HEATR4: variants seen among roughly 807,000 people sequenced by gnomAD.
HEATR4 encodes HEAT repeat-containing protein 4.
A neutral mutation model predicts 108.8 loss-of-function variants in HEATR4; 95 were observed. The observed-to-expected ratio is 0.87, with a 90% confidence interval of 0.74 to 1.04. The LOEUF (loss-of-function observed/expected upper bound fraction) is 1.04. Ranked by LOEUF, HEATR4 falls within the 50% of genes least tolerant of loss-of-function variation. The probability of loss-of-function intolerance (pLI) is 0.00; values close to 1 mark genes in which losing one functional copy is unlikely to be tolerated. For synonymous variants in HEATR4, 443 were observed against 459.4 expected, an observed-to-expected ratio of 0.96 and a Z score of 0.46; for missense variants, 1,152 against 1,253.8, an observed-to-expected ratio of 0.92 and a Z score of 1.23.
the HEATR4 span, among the ~76,000 whole-genome samples, chr14:73,625,219 C>A: frequency 0.015 from 2,244 of 151,922 alleles, 57 homozygotes; most frequent in African/African-American, 0.051. Flanking sequence ...ACCACCGCAC[C>A]CAGCTAATTT....
chr14:73,568,022 G>C, the HEATR4 span: 1 of 152,296 alleles, frequency 6.6e-6, no homozygotes, highest in African/African-American at 2.4e-5. Context: ...CTTGATGTCA[G>C]CGAGACCAAG....
chr14:73,575,432 G>T, the HEATR4 span: 2 of 1,382,654 alleles, frequency 1.4e-6, no homozygotes, highest in Non-Finnish European at 1.9e-6. Flanking sequence ...CCATGGCTCA[G>T]GTGGATGCTT....
At chr14:73,568,110 ACTTG>A in the HEATR4 span, 3 of 152,110 alleles carry the variant, frequency 2.0e-5, no homozygotes, top group Admixed American at 6.6e-5. Flanking sequence ...CACAGAACAT[ACTTG>A]AGGTGTTATA....
At chr14:73,581,147 T>TC in the HEATR4 span, 2 of 151,612 alleles carry the variant, frequency 1.3e-5, no homozygotes, top group East Asian at 1.9e-4. Flanking sequence ...TTTTTTTTTT[T>TC]CTTGTGGTGA....
chr14:73,589,628 TTTCA>T, the HEATR4 span, among the ~76,000 whole-genome samples: 1 of 152,162 alleles, frequency 6.6e-6, no homozygotes, highest in Non-Finnish European at 1.5e-5. Context: ...CTACCTTATA[TTTCA>T]TCAAAAAGCT....
At chr14:73,483,443 G>C (rs532933493) in intron 17 of HEATR4, among the ~76,000 whole-genome samples, 17 of 152,234 alleles carry the variant, frequency 1.1e-4, no homozygotes, top group South Asian at 1.0e-3. Flanking sequence ...CTATAAACTT[G>C]AACTCCTGGG....
the HEATR4 span, among the ~76,000 whole-genome samples, chr14:73,594,706 TTATTTATC>T: frequency 2.7e-5 from 4 of 150,942 alleles, no homozygotes; most frequent in African/African-American, 9.7e-5. Flanking sequence ...ATTTATTTAT[TTATTTATC>T]TTTTGAGACG....
chr14:73,491,240 C>G (rs1566819391), intron 17 of HEATR4: 4 of 1,589,300 alleles, frequency 2.5e-6, no homozygotes, highest in South Asian at 2.3e-5. Context: ...GGCCGACGAC[C>G]TGGGGGACGC....
intron 2 of HEATR4, among the ~76,000 whole-genome samples, chr14:73,527,961 CAAA>C (rs34109465): frequency 0.053 from 2,798 of 52,654 alleles, 141 homozygotes; most frequent in African/African-American, 0.19. Flanking sequence ...AACTCCATCT[CAAA>C]AAAAAAAAAA....
chr14:73,538,229 A>G lies in HEATR4; in HGVS notation c.-151-7985T>C, dbSNP rs1226541876. ...CTTCCAACATTCCGGAGGTTAGTGTAAGGAGACAGGAATGGAATGGAAAGT... is the reference window on the plus strand; with the variant it reads ...CTTCCAACATTCCGGAGGTTAGTGTGAGGAGACAGGAATGGAATGGAAAGT... On this transcript the variant is annotated intron_variant, in intron 1 of 17. Coordinates refer to ENST00000553558, the MANE Select transcript of HEATR4 (RefSeq NM_001220484.1). 3.5e-5 allele frequency among the ~76,000 whole-genome samples: 4 copies of G among 114,432 alleles called. 1 individual carries two copies. The highest frequency in any genetic ancestry group is 7.6e-5 in the Non-Finnish European group (4 of 52,614). The allele number at this position is 114,432 out of a possible 152,430, so 75.1% of individuals were successfully genotyped here.
chr14:73,483,744 T>C (rs1450101038), intron 17 of HEATR4, among the ~76,000 whole-genome samples: 1 of 152,200 alleles, frequency 6.6e-6, no homozygotes, highest in Non-Finnish European at 1.5e-5. Flanking sequence ...TAGATTCAAA[T>C]GGATGCATTT....
At position 73,533,213 on chromosome 14, in the gene HEATR4, C is replaced by T. The variant is rs1407376378; in HGVS notation, c.-151-2969G>A. Among the ~76,000 whole-genome samples, 16 of 113,836 alleles carry T rather than the reference C, an allele frequency of 1.4e-4. 4 individuals carry two copies. The highest frequency in any genetic ancestry group is 2.5e-4 in the Non-Finnish European group (13 of 52,514). The allele number at this position is 113,836 out of a possible 152,430, so 74.7% of individuals were successfully genotyped here. Reference sequence around the variant, plus strand: ...GATCCAGCAATTCTACTTCTGGGTACATATCCAAAAGAATTGAAAGCAGGG... The same window carrying T: ...GATCCAGCAATTCTACTTCTGGGTATATATCCAAAAGAATTGAAAGCAGGG... On this transcript the variant is annotated intron_variant, in intron 1 of 17. Transcript: ENST00000553558.
At position 73,493,063 on chromosome 14, in the gene HEATR4, T is replaced by C. The variant is rs771660018; in HGVS notation, c.2844+3A>G. 5.0e-6 allele frequency: 8 copies of C among 1,612,752 alleles called. No individual in the cohort carries two copies. Among genetic ancestry groups the C allele is most frequent in the Non-Finnish European group, 6.8e-6 (8 of 1,179,326 alleles). On this transcript the variant is annotated splice_donor_region_variant and intron_variant, in intron 17 of 17. Coordinates refer to ENST00000553558, the MANE Select transcript of HEATR4 (RefSeq NM_001220484.1). ...TGATAAGCATCAGTGTGCTCACATT[T>C]ACCTTTATCACTGCTTCAGTGTCAC...
In HEATR4 at chr14:73,478,783, T is replaced by A. The variant is rs764170165; in HGVS notation, c.2904A>T (p.Thr968=). Residue 968 remains threonine, a synonymous_variant, in exon 18 of 18, where the codon ACA becomes ACT. Coordinates refer to ENST00000553558, the MANE Select transcript of HEATR4 (RefSeq NM_001220484.1). The stretch of plus-strand genomic sequence containing the variant: ...CAAGTGATGAACGAACTTTGCTTCG[T>A]GTGGTTAGGCCTGGGACTGAACTTT... ...WLQSSVPGLT[T]RSKVRSSLVK... is the part of the protein sequence containing the mutation. The A allele has an allele frequency of 6.2e-7, 1 of 1,613,966 alleles. No homozygotes were observed. Among genetic ancestry groups the A allele is most frequent in the Non-Finnish European group, 8.5e-7 (1 of 1,179,966 alleles).
At chr14:73,525,118 C>T (rs1888248141) in intron 2 of HEATR4, among the ~76,000 whole-genome samples, 1 of 152,172 alleles carries the variant, frequency 6.6e-6, no homozygotes, top group Non-Finnish European at 1.5e-5. Context: ...CAGCCTCAAC[C>T]TCCTGGGCCC....
At chr14:73,540,667 T>C (rs1476401504) in intron 1 of HEATR4, among the ~76,000 whole-genome samples, 1 of 120,352 alleles carries the variant, frequency 8.3e-6, no homozygotes, top group African/African-American at 2.9e-5. Context: ...CACAGGGGTC[T>C]GTGGGACGTT....
rs1889266439 is a variant in HEATR4, at chr14:73,548,253, G to A, written c.-152+10498C>T. ...ATAAGAGTGAGGTGTGATAAAGAGAGTGAGTTTTATTATCCATGCTAGCAA... is the reference window on the plus strand; with the variant it reads ...ATAAGAGTGAGGTGTGATAAAGAGAATGAGTTTTATTATCCATGCTAGCAA... On this transcript the variant is annotated intron_variant, in intron 1 of 17. Transcript: ENST00000553558. Among the ~76,000 whole-genome samples the A allele has an allele frequency of 3.4e-5, 4 of 116,042 alleles. 2 individuals carry two copies. Among genetic ancestry groups the A allele is most frequent in the Non-Finnish European group, 7.5e-5 (4 of 53,056 alleles). The allele number at this position is 116,042 out of a possible 152,430, so 76.1% of individuals were successfully genotyped here.
At chr14:73,615,737 AAACAAAC>A in the HEATR4 span, among the ~76,000 whole-genome samples, 22 of 12,170 alleles carry the variant, frequency 1.8e-3, no homozygotes, top group African/African-American at 8.0e-3. Flanking sequence ...TTGTCTCAAC[AAACAAAC>A]AAACAAACAA....
chr14:73,504,932 T>C (rs547596634), intron 10 of HEATR4, among the ~76,000 whole-genome samples: 2 of 152,058 alleles, frequency 1.3e-5, no homozygotes, highest in South Asian at 4.2e-4. Context: ...TCACCGACAG[T>C]TGGTTTGTTT....
Sources: gnomAD v4.1 joint callset for allele counts (sites outside exome capture counted in the v4.1 genomes callset) on GRCh38, gnomAD v4.1.1 for gene constraint, MANE v1.5 for transcripts, NCBI Gene and HGNC (gene_info 2026-07-23, HGNC 2026-07-21) for gene names.